The following GLI2 variants were observed in gnomAD, a reference collection of about 807,000 sequenced individuals.
GLI2 encodes transcription activator GLI2.
GLI2 carries 22 observed loss-of-function variants against 78.9 expected under a neutral mutation model. That is an observed-to-expected ratio of 0.28 (90% confidence interval 0.20 to 0.40). The LOEUF (loss-of-function observed/expected upper bound fraction) is 0.40, where lower values mean the gene tolerates loss of function less well. Ranked by LOEUF, GLI2 falls within the 10% of genes least tolerant of loss-of-function variation. GLI2 has a pLI of 1.00. For missense variants in GLI2, 2,097 were observed against 2,213.2 expected (o/e 0.95, Z 1.05); for synonymous variants, 974 against 963.7 (o/e 1.01, Z -0.20).
intron 3 of GLI2, among the ~76,000 whole-genome samples, chr2:120,930,267 C>T (rs1008173309): frequency 6.6e-6 from 1 of 152,222 alleles, no homozygotes; most frequent in Admixed American, 6.5e-5. Context: ...ACCTTGTGAA[C>T]CGGCCCTGCT....
intron 3 of GLI2, among the ~76,000 whole-genome samples, chr2:120,944,803 C>G (rs1255709035): frequency 6.6e-6 from 1 of 152,260 alleles, no homozygotes; most frequent in African/African-American, 2.4e-5. Context: ...ATAATGAAAT[C>G]TGCCTTGCAG....
chr2:120,744,568 A>G (rs2104625012), intron 1 of GLI2, among the ~76,000 whole-genome samples: 1 of 152,356 alleles, frequency 6.6e-6, no homozygotes, highest in East Asian at 1.9e-4. Flanking sequence ...ATAGTATGTT[A>G]GATTACCCTT....
chr2:120,938,434 C>T (rs1052167161), intron 3 of GLI2, among the ~76,000 whole-genome samples: 2 of 152,228 alleles, frequency 1.3e-5, no homozygotes, highest in African/African-American at 2.4e-5. Flanking sequence ...CATGAATCAA[C>T]TGTTGTGGAC....
At chr2:120,749,139 A>G (rs571468613) in intron 1 of GLI2, among the ~76,000 whole-genome samples, 1 of 152,226 alleles carries the variant, frequency 6.6e-6, no homozygotes, top group Non-Finnish European at 1.5e-5. Flanking sequence ...TCCCTTGCTT[A>G]TAACACTCAT....
chr2:120,753,680 G>C lies in GLI2; in HGVS notation c.-31+17395G>C, dbSNP rs1377926406. Among the ~76,000 whole-genome samples the C allele has an allele frequency of 3.9e-5, 6 of 151,964 alleles. No individual in the cohort carries two copies. In the Middle Eastern group the frequency reaches 0.01, roughly 260 times the overall value. The stretch of plus-strand genomic sequence containing the variant: ...TTGGAAGGCCGAGGCGGGCGGATCA[G>C]GAGGTCAGGAGATCAAGACCATCCT... On this transcript the variant is annotated intron_variant, in intron 1 of 13. Coordinates refer to ENST00000361492, the MANE Select transcript of GLI2 (RefSeq NM_001374353.1).
At chr2:120,912,274 GTT>G (rs564285080) in intron 2 of GLI2, among the ~76,000 whole-genome samples, 325 of 136,712 alleles carry the variant, frequency 2.4e-3, no homozygotes, top group African/African-American at 6.0e-3. Flanking sequence ...TTTGCAAGAG[GTT>G]TTTTTTTTTT....
At chr2:120,785,109 A>G (rs1390508011) in intron 1 of GLI2, among the ~76,000 whole-genome samples, 2 of 152,134 alleles carry the variant, frequency 1.3e-5, no homozygotes, top group Non-Finnish European at 2.9e-5. Flanking sequence ...AGCAGACCAC[A>G]TTATTGGATC....
chr2:120,950,893 C>G (rs1210195194), intron 3 of GLI2, among the ~76,000 whole-genome samples: 1 of 152,214 alleles, frequency 6.6e-6, no homozygotes, highest in Non-Finnish European at 1.5e-5. Flanking sequence ...GTGCCTAGCC[C>G]CGAGGAGGCA....
At chr2:120,889,519 G>A (rs1444846276) in intron 2 of GLI2, among the ~76,000 whole-genome samples, 2 of 152,150 alleles carry the variant, frequency 1.3e-5, no homozygotes, top group Non-Finnish European at 2.9e-5. Flanking sequence ...TTTGCTCTTC[G>A]AAAGACCCTG....
intron 2 of GLI2, among the ~76,000 whole-genome samples, chr2:120,842,338 G>A (rs900878625): frequency 6.6e-6 from 1 of 152,048 alleles, no homozygotes; most frequent in Admixed American, 6.6e-5. Flanking sequence ...GTTTTTTAAT[G>A]CAATTGTCAG....
intron 4 of GLI2, among the ~76,000 whole-genome samples, chr2:120,954,175 T>G (rs950142143): frequency 6.6e-6 from 1 of 152,162 alleles, no homozygotes; most frequent in Non-Finnish European, 1.5e-5. Flanking sequence ...CTGCTCGGTA[T>G]CAGCCCCAGA....
chr2:120,857,507 GCCCACCCACCGA>G (rs1687716533), intron 2 of GLI2, among the ~76,000 whole-genome samples: 1 of 30,236 alleles, frequency 3.3e-5, no homozygotes, highest in African/African-American at 1.3e-4. Flanking sequence ...CCATCTGCCC[GCCCACCCACCGA>G]CCCACCCACC....
intron 2 of GLI2, among the ~76,000 whole-genome samples, chr2:120,859,161 C>T (rs1001738907): frequency 1.2e-4 from 19 of 152,224 alleles, no homozygotes; most frequent in Non-Finnish European, 2.4e-4. Context: ...TTAGGATCTC[C>T]AAAACGTCTG....
At chr2:120,814,312 C>T (rs1230822064) in intron 2 of GLI2, among the ~76,000 whole-genome samples, 1 of 152,146 alleles carries the variant, frequency 6.6e-6, no homozygotes, top group South Asian at 2.1e-4. Context: ...AAGTGCTGAT[C>T]GCCATGATTT....
intron 1 of GLI2, among the ~76,000 whole-genome samples, chr2:120,750,069 G>A (rs1682817092): frequency 6.6e-6 from 1 of 152,250 alleles, no homozygotes; most frequent in Non-Finnish European, 1.5e-5. Flanking sequence ...ATGAGCCTCT[G>A]CCTCATCCTC....
At chr2:120,791,657 T>C (rs1684161691) in intron 1 of GLI2, among the ~76,000 whole-genome samples, 1 of 152,230 alleles carries the variant, frequency 6.6e-6, no homozygotes, top group Non-Finnish European at 1.5e-5. Context: ...TTGTAATATA[T>C]ACATGTGCAT....
At chr2:120,894,030 G>A (rs1004768495) in intron 2 of GLI2, among the ~76,000 whole-genome samples, 3 of 152,208 alleles carry the variant, frequency 2.0e-5, no homozygotes, top group Non-Finnish European at 2.9e-5. Flanking sequence ...TTCCCAGCCC[G>A]CTGCATGTTA....
intron 2 of GLI2, among the ~76,000 whole-genome samples, chr2:120,878,021 T>C (rs1452268358): frequency 6.6e-6 from 1 of 152,272 alleles, no homozygotes; most frequent in African/African-American, 2.4e-5. Flanking sequence ...TCTCGAACAT[T>C]CTTTTATATT....
chr2:120,989,114 T>C lies in GLI2; in HGVS notation c.3149T>C (p.Val1050Ala). Residue 1050 changes from valine to alanine, a missense_variant, in exon 14 of 14, where the codon GTG becomes GCG. By Grantham distance (64) the Val-to-Ala change is moderately conservative. Transcript: ENST00000361492. ...GACCTGGTGCTTCCAGACGACGTGG[T>C]GCAGTACATCAAGGCGCACGCCAGT... Reference protein sequence around the residue: ...EDDLVLPDDVVQYIKAHASGA... With the variant: ...EDDLVLPDDVAQYIKAHASGA... 6.2e-7 allele frequency: 1 copy of C among 1,612,836 alleles called. No homozygotes were observed. Among genetic ancestry groups the C allele is most frequent in the South Asian group, 1.1e-5 (1 of 91,084 alleles).
Sources: allele counts gnomAD v4.1 joint callset (sites outside exome capture counted in the v4.1 genomes callset), GRCh38; gene constraint gnomAD v4.1.1; transcripts MANE v1.5; gene names NCBI Gene and HGNC (gene_info 2026-07-23, HGNC 2026-07-21).